Variants in CREB5 observed in about 807,000 individuals in gnomAD.
The protein encoded by CREB5 is cyclic AMP-responsive element-binding protein 5.
A neutral mutation model predicts 57.1 loss-of-function variants in CREB5; 19 were observed. That is an observed-to-expected ratio of 0.33 (90% confidence interval 0.23 to 0.49). The LOEUF (loss-of-function observed/expected upper bound fraction) is 0.49. CREB5 is among the 20% of genes least tolerant of loss of function. The pLI is 0.99. For missense variants in CREB5, 579 were observed against 671.6 expected, an observed-to-expected ratio of 0.86 and a Z score of 1.52; for synonymous variants, 238 against 238.3, an observed-to-expected ratio of 1.00 and a Z score of 0.01.
chr7:28,409,469 T>C (rs1372124072), upstream of CREB5: 1 of 160,154 alleles, frequency 6.2e-6, no homozygotes, highest in Non-Finnish European at 1.4e-5. This position sits in a 1 kb window ranked among gnomAD's most constrained non-coding sequence, Gnocchi z 4.4. Context: ...GGCTTTTGCA[T>C]TTAGCCACTT....
At chr7:28,687,406 A>C (rs1800998301) in intron 5 of CREB5, among the ~76,000 whole-genome samples, 1 of 151,654 alleles carries the variant, frequency 6.6e-6, no homozygotes, top group African/African-American at 2.4e-5. Flanking sequence ...TTGTGTTCTT[A>C]ATGTTTTAAG....
chr7:28,645,961 C>T (rs1378541205), intron 5 of CREB5, among the ~76,000 whole-genome samples: 1 of 152,068 alleles, frequency 6.6e-6, no homozygotes, highest in Non-Finnish European at 1.5e-5. Context: ...GCTGAGGCAC[C>T]CATCTTCTCC....
intron 1 of CREB5, among the ~76,000 whole-genome samples, chr7:28,383,187 A>G (rs1787000688): frequency 6.6e-6 from 1 of 152,196 alleles, no homozygotes; most frequent in Non-Finnish European, 1.5e-5. Context: ...CGTGTTAGGC[A>G]TAATGTGTAC....
chr7:28,761,027 CTT>C (rs1380696524), intron 7 of CREB5, among the ~76,000 whole-genome samples: 3 of 152,174 alleles, frequency 2.0e-5, no homozygotes, highest in African/African-American at 7.2e-5. Flanking sequence ...CCCTTAGAGA[CTT>C]TGCCTACATG....
chr7:28,409,690 TG>T (rs946699816), upstream of CREB5: 1 of 305,734 alleles, frequency 3.3e-6, no homozygotes, highest in Non-Finnish European at 6.4e-6. This position sits in a 1 kb window ranked among gnomAD's most constrained non-coding sequence, Gnocchi z 4.4. Context: ...TGGTAGACTG[TG>T]GAATTCGGCT....
chr7:28,788,595 C>T (rs146724310), intron 7 of CREB5, among the ~76,000 whole-genome samples: 16 of 152,228 alleles, frequency 1.1e-4, no homozygotes, highest in African/African-American at 3.6e-4. Flanking sequence ...GTATTCTTAC[C>T]GTGCACAAAG....
chr7:28,579,136 A>G (rs1399427207), intron 5 of CREB5, among the ~76,000 whole-genome samples: 11 of 152,216 alleles, frequency 7.2e-5, no homozygotes, highest in African/African-American at 2.4e-4. Context: ...CATCTTGTAA[A>G]AAGAAAGAAT....
chr7:28,725,028 T>A (rs921705696), intron 7 of CREB5, among the ~76,000 whole-genome samples: 2 of 152,238 alleles, frequency 1.3e-5, no homozygotes, highest in Non-Finnish European at 2.9e-5. Flanking sequence ...TTAGTGGAGT[T>A]ACTTGAAATA....
chr7:28,314,590 A>T (rs7782963), intron 1 of CREB5, among the ~76,000 whole-genome samples: 91,898 of 152,054 alleles, frequency 0.6, 29,917 homozygotes, highest in East Asian at 0.95. Flanking sequence ...TACAGACAAC[A>T]CACACAGCAC....
intron 5 of CREB5, among the ~76,000 whole-genome samples, chr7:28,660,381 G>GTTTTTTTTT (rs10696255): frequency 4.2e-5 from 5 of 119,250 alleles, no homozygotes; most frequent in African/African-American, 1.6e-4. Context: ...GCATTCAACA[G>GTTTTTTTTT]TTTTTTTTTT....
intron 5 of CREB5, among the ~76,000 whole-genome samples, chr7:28,633,642 A>C (rs1268168442): frequency 6.6e-6 from 1 of 152,140 alleles, no homozygotes; most frequent in Non-Finnish European, 1.5e-5. Context: ...CATCCTTTTG[A>C]TTGGCTGGTT....
At chr7:28,551,899 C>CTTTCTT (rs969606136) in intron 4 of CREB5, among the ~76,000 whole-genome samples, 2 of 120,258 alleles carry the variant, frequency 1.7e-5, no homozygotes, top group Admixed American at 8.1e-5. Flanking sequence ...TTCTTTCTTT[C>CTTTCTT]TCTTTTCTTT....
At chr7:28,463,532 C>T (rs548352147) in intron 1 of CREB5, among the ~76,000 whole-genome samples, 26 of 142,990 alleles carry the variant, frequency 1.8e-4, no homozygotes, top group South Asian at 9.1e-4. Flanking sequence ...TGCCATCTAA[C>T]GATACTAATT....
At chr7:28,619,031 C>T (rs904209441) in intron 5 of CREB5, among the ~76,000 whole-genome samples, 7 of 152,136 alleles carry the variant, frequency 4.6e-5, no homozygotes, top group Non-Finnish European at 1.0e-4. Flanking sequence ...TTGAGGAATT[C>T]GTTGGTTAAG....
At chr7:28,676,057 A>G (rs1379493720) in intron 5 of CREB5, among the ~76,000 whole-genome samples, 1 of 152,116 alleles carries the variant, frequency 6.6e-6, no homozygotes, top group Admixed American at 6.5e-5. Context: ...CTGTCAACAC[A>G]AAGCTCCTCT....
chr7:28,738,586 G>A (rs1442746936), intron 7 of CREB5, among the ~76,000 whole-genome samples: 1 of 152,232 alleles, frequency 6.6e-6, no homozygotes, highest in Admixed American at 6.5e-5. Context: ...CGTCATTGCA[G>A]TGAACTTTAT....
At chr7:28,472,430 G>A (rs950710079) in intron 1 of CREB5, among the ~76,000 whole-genome samples, 7 of 152,268 alleles carry the variant, frequency 4.6e-5, no homozygotes, top group East Asian at 1.9e-4. Context: ...GGAAATATGC[G>A]TGGATAAGTT....
At chr7:28,773,590 G>A (rs1038383656) in intron 7 of CREB5, among the ~76,000 whole-genome samples, 1 of 152,144 alleles carries the variant, frequency 6.6e-6, no homozygotes, top group Admixed American at 6.5e-5. Context: ...GCAGCCATAC[G>A]TGATACCTGA....
intron 5 of CREB5, among the ~76,000 whole-genome samples, chr7:28,663,822 A>G (rs1270184290): frequency 6.6e-6 from 1 of 152,194 alleles, no homozygotes; most frequent in Non-Finnish European, 1.5e-5. Flanking sequence ...CATAATAAAC[A>G]TGTTCTTCTA....
Sources: allele counts gnomAD v4.1 joint callset (sites outside exome capture counted in the v4.1 genomes callset), GRCh38; gene constraint gnomAD v4.1.1; non-coding constraint Gnocchi (gnomAD v3.1); transcripts MANE v1.5; gene names NCBI Gene and HGNC (gene_info 2026-07-23, HGNC 2026-07-21).